LAPTM4B: variants seen among roughly 807,000 people sequenced by gnomAD.
LAPTM4B encodes lysosomal-associated transmembrane protein 4B.
A neutral mutation model predicts 28.5 loss-of-function variants in LAPTM4B; 26 were observed. The ratio of observed to expected loss-of-function variants is 0.91; its 90% confidence interval spans 0.67 to 1.27. The LOEUF (loss-of-function observed/expected upper bound fraction) is 1.27, where lower values mean the gene tolerates loss of function less well. LAPTM4B is among the 50% of genes most tolerant of loss of function. The pLI, the probability that LAPTM4B is intolerant of heterozygous loss-of-function variation, is 0.00. For synonymous variants in LAPTM4B, 109 were observed against 106.4 expected, an observed-to-expected ratio of 1.02 and a Z score of -0.15; for missense variants, 288 against 285.8, an observed-to-expected ratio of 1.01 and a Z score of -0.06.
intron 2 of LAPTM4B, among the ~76,000 whole-genome samples, chr8:97,814,885 G>C (rs1021429654): frequency 6.6e-6 from 1 of 152,034 alleles, no homozygotes; most frequent in Non-Finnish European, 1.5e-5. Flanking sequence ...AGTACACATG[G>C]GGTTTCACTG....
At chr8:97,810,711 G>T (rs1439720033) in intron 2 of LAPTM4B, among the ~76,000 whole-genome samples, 1 of 152,218 alleles carries the variant, frequency 6.6e-6, no homozygotes, top group African/African-American at 2.4e-5. Flanking sequence ...AACATCAAGT[G>T]TCTGTACTAT....
At chr8:97,836,599 G>A in intron 6 of LAPTM4B, among the ~76,000 whole-genome samples, 1 of 152,142 alleles carries the variant, frequency 6.6e-6, no homozygotes, top group East Asian at 1.9e-4. Context: ...TAGGGAACCT[G>A]ATTCCTCTGG....
At chr8:97,823,996 G>C (rs1266181348) in intron 5 of LAPTM4B, among the ~76,000 whole-genome samples, 1 of 152,006 alleles carries the variant, frequency 6.6e-6, no homozygotes, top group African/African-American at 2.4e-5. Flanking sequence ...CACCTTGCCT[G>C]GCCCCGCCCC....
At chr8:97,824,809 A>C (rs62524128) in intron 5 of LAPTM4B, among the ~76,000 whole-genome samples, 70,509 of 150,890 alleles carry the variant, frequency 0.47, 16,764 homozygotes, top group East Asian at 0.58. Context: ...CCCTCTCCCA[A>C]CTTCCCCCAG....
In LAPTM4B at chr8:97,827,854, C is replaced by T. The variant is rs368362881; in HGVS notation, c.603+2701C>T. Among the ~76,000 whole-genome samples, 17 of 151,990 alleles carry T rather than the reference C, an allele frequency of 1.1e-4. No homozygotes were observed. The South Asian group carries it at 2.1e-3, about 19-fold the overall frequency. On this transcript the variant is annotated intron_variant, in intron 6 of 6. Transcript: ENST00000521545. ...AGTTACAGTTAGGGGCCGTTTATTG[C>T]GGGCAGGGGAAGGGGTCACAGGCGG...
intron 6 of LAPTM4B, among the ~76,000 whole-genome samples, chr8:97,832,838 C>A (rs1817204095): frequency 6.7e-6 from 1 of 150,004 alleles, no homozygotes; most frequent in Non-Finnish European, 1.5e-5. Flanking sequence ...TTCTGAGTAG[C>A]TGGGATTACA....
intron 6 of LAPTM4B, among the ~76,000 whole-genome samples, chr8:97,832,788 C>T (rs1286369594): frequency 1.3e-5 from 2 of 150,002 alleles, no homozygotes; most frequent in African/African-American, 2.4e-5. Context: ...CTCACTGCAA[C>T]CTCTGCCTCC....
chr8:97,815,554 A>G (rs1437388046), intron 3 of LAPTM4B, among the ~76,000 whole-genome samples, 153 bp downstream of exon 3: 1 of 151,866 alleles, frequency 6.6e-6, no homozygotes, highest in Non-Finnish European at 1.5e-5. Flanking sequence ...AGGAAAACCA[A>G]TATTATACTG....
chr8:97,797,353 G>A (rs1816606112), intron 1 of LAPTM4B, among the ~76,000 whole-genome samples: 2 of 152,026 alleles, frequency 1.3e-5, no homozygotes, highest in South Asian at 4.2e-4. Context: ...GCCTGGTCTC[G>A]AACTCCCGAC....
intron 2 of LAPTM4B, among the ~76,000 whole-genome samples, chr8:97,809,209 C>T (rs1366021350): frequency 6.6e-6 from 1 of 152,162 alleles, no homozygotes; most frequent in Non-Finnish European, 1.5e-5. Context: ...CTACCAGATC[C>T]AGATAGAACC....
In LAPTM4B at chr8:97,793,023, A is replaced by G. The variant is rs1468545006; in HGVS notation, c.100-12330A>G. 5.1e-5 allele frequency among the ~76,000 whole-genome samples: 7 copies of G among 137,914 alleles called. No individual in the cohort carries two copies. The East Asian group carries it at 6.1e-4, about 12-fold the overall frequency. The allele number at this position is 137,914 out of a possible 152,430, so 90.5% of individuals were successfully genotyped here. ...AAAGGATACAACAGATTTGAAAATA[A>G]TAACTAGAAACTCTAGAATGAAAAA... On this transcript the variant is annotated intron_variant, in intron 1 of 6. Transcript: ENST00000521545.
At chr8:97,851,302 C>T (rs762668277) in intron 6 of LAPTM4B, 95 bp from the exon 7 acceptor site, 58 of 948,212 alleles carry the variant, frequency 6.1e-5, no homozygotes, top group Non-Finnish European at 8.3e-5. Context: ...AGTTGTGGAA[C>T]ATGTTTAGTT....
chr8:97,825,131 A>C lies in LAPTM4B; in HGVS notation c.581A>C (p.Tyr194Ser), dbSNP rs763497428. The C allele has an allele frequency of 6.2e-7, 1 of 1,604,506 alleles. No individual in the cohort carries two copies. The highest frequency in any genetic ancestry group is 1.1e-5 in the South Asian group (1 of 90,858). ...NGRNSSDVLV[Y>S]VTSNDTTVLL... ...AGGAACTCCTCTGATGTCCTGGTTTATGTTACCAGCAATGACACTACGGTA... is the reference window on the plus strand; with the variant it reads ...AGGAACTCCTCTGATGTCCTGGTTTCTGTTACCAGCAATGACACTACGGTA... The change falls in exon 6 of 7, where the codon TAT (tyrosine) becomes TCT (serine). Residue 194 changes from tyrosine to serine, a missense_variant. By Grantham distance (144) the Tyr-to-Ser change is moderately radical. Coordinates refer to ENST00000521545, the MANE Select transcript of LAPTM4B (RefSeq NM_018407.6).
chr8:97,802,972 G>T (rs1049113858), intron 1 of LAPTM4B, among the ~76,000 whole-genome samples: 5 of 151,926 alleles, frequency 3.3e-5, no homozygotes, highest in Non-Finnish European at 7.4e-5. Flanking sequence ...AGGCCGAGGC[G>T]GGTGGATCAC....
At chr8:97,823,907 C>T (rs1398996430) in intron 5 of LAPTM4B, among the ~76,000 whole-genome samples, 1 of 151,810 alleles carries the variant, frequency 6.6e-6, no homozygotes, top group Non-Finnish European at 1.5e-5. Flanking sequence ...CTGTGTTGCC[C>T]AGGCTGTTCT....
At position 97,841,118 on chromosome 8, in the gene LAPTM4B, G is replaced by A. The variant is rs1184028889; in HGVS notation, c.604-10279G>A. ...CACATCCCAGATGGGGCAGCAGCCG[G>A]GCAGAGGGGCTCCTCACTTCCCAGT... On this transcript the variant is annotated intron_variant, in intron 6 of 6. Transcript: ENST00000521545. 2.1e-5 allele frequency among the ~76,000 whole-genome samples: 3 copies of A among 143,122 alleles called. No individual in the cohort carries two copies. In the Admixed American group the frequency reaches 2.1e-4, roughly 10 times the overall value. The allele number at this position is 143,122 out of a possible 152,430, so 93.9% of individuals were successfully genotyped here. A position where few individuals can be genotyped will look rare whatever the true frequency, so the allele number is the denominator to read the frequency against.
At chr8:97,786,349 TA>T (rs36173719) in intron 1 of LAPTM4B, among the ~76,000 whole-genome samples, 98 of 147,364 alleles carry the variant, frequency 6.7e-4, no homozygotes, top group South Asian at 5.9e-3. Flanking sequence ...TGTGGGAGGT[TA>T]AAAAAAAATG....
Position 97,829,698 on chromosome 8 carries a change from T to G in LAPTM4B, c.603+4545T>G, listed in dbSNP as rs562595541. Among the ~76,000 whole-genome samples, 103 of 149,522 alleles carry G rather than the reference T, an allele frequency of 6.9e-4. No individual in the cohort carries two copies. The East Asian group carries it at 0.019, about 28-fold the overall frequency. On this transcript the variant is annotated intron_variant, in intron 6 of 6. Coordinates refer to ENST00000521545, the MANE Select transcript of LAPTM4B (RefSeq NM_018407.6). Reference sequence around the variant, plus strand: ...GCTGAATTTTTCTTTTCTTTCTTCTTTTTTTTTTTTGAGACAAGAGTCTTG... The same window carrying G: ...GCTGAATTTTTCTTTTCTTTCTTCTGTTTTTTTTTTGAGACAAGAGTCTTG...
intron 6 of LAPTM4B, among the ~76,000 whole-genome samples, chr8:97,843,230 C>G (rs1416505726): frequency 6.6e-6 from 1 of 152,104 alleles, no homozygotes; most frequent in Non-Finnish European, 1.5e-5. Flanking sequence ...CATCCGAGAC[C>G]ATCCTGGCCA....
Sources: gnomAD v4.1 joint callset for allele counts (sites outside exome capture counted in the v4.1 genomes callset) on GRCh38, gnomAD v4.1.1 for gene constraint, MANE v1.5 for transcripts, NCBI Gene and HGNC (gene_info 2026-07-23, HGNC 2026-07-21) for gene names.